The following RARB variants were observed in gnomAD, a reference collection of about 807,000 sequenced individuals.
RARB encodes retinoic acid receptor beta.
A neutral mutation model predicts 51.9 loss-of-function variants in RARB; 17 were observed. That is an observed-to-expected ratio of 0.33 (90% confidence interval 0.22 to 0.49). The LOEUF (loss-of-function observed/expected upper bound fraction) is 0.49. Among genes scored for constraint, RARB ranks in the 20% least tolerant of loss-of-function variants. The probability of loss-of-function intolerance (pLI) is 0.99; values close to 1 mark genes in which losing one functional copy is unlikely to be tolerated. For synonymous variants in RARB, 215 were observed against 195.4 expected, an observed-to-expected ratio of 1.10 and a Z score of -0.84; for missense variants, 369 against 550.8, an observed-to-expected ratio of 0.67 and a Z score of 3.30.
chr3:25,376,197 A>T (rs1706455083), intron 5 of RARB, among the ~76,000 whole-genome samples: 1 of 152,020 alleles, frequency 6.6e-6, no homozygotes, highest in South Asian at 2.1e-4. Context: ...CATTTTGCTC[A>T]CTCTACTTTG....
intron 5 of RARB, among the ~76,000 whole-genome samples, chr3:25,193,845 A>G (rs988379760): frequency 2.0e-5 from 3 of 151,988 alleles, no homozygotes; most frequent in Non-Finnish European, 1.5e-5. Flanking sequence ...TGACATATAC[A>G]CTATACTGAC....
At chr3:25,199,079 G>T (rs1701318293) in intron 5 of RARB, among the ~76,000 whole-genome samples, 1 of 152,058 alleles carries the variant, frequency 6.6e-6, no homozygotes, top group Non-Finnish European at 1.5e-5. Flanking sequence ...AAGGAAATGT[G>T]GTATGTATAC....
intron 3 of RARB, among the ~76,000 whole-genome samples, chr3:25,113,046 A>G (rs139893132): frequency 2.5e-3 from 376 of 152,108 alleles, no homozygotes; most frequent in African/African-American, 8.6e-3. Flanking sequence ...TTTTGTTCTG[A>G]CTTGCTGTTT....
intron 5 of RARB, among the ~76,000 whole-genome samples, chr3:25,326,787 T>C (rs755323522): frequency 3.9e-5 from 6 of 151,954 alleles, no homozygotes; most frequent in Non-Finnish European, 5.9e-5. Context: ...GATGACAATA[T>C]CAAGAAACAC....
intron 2 of RARB, among the ~76,000 whole-genome samples, chr3:24,867,888 A>G (rs1702880020): frequency 6.6e-6 from 1 of 152,140 alleles, no homozygotes; most frequent in Non-Finnish European, 1.5e-5. Context: ...CATTGAGTTC[A>G]AGTCAACCAT....
chr3:25,384,353 A>G (rs1365061538), intron 5 of RARB, among the ~76,000 whole-genome samples: 1 of 151,962 alleles, frequency 6.6e-6, no homozygotes, highest in African/African-American at 2.4e-5. Flanking sequence ...TATTGTTGTT[A>G]TTTCCTATTA....
intron 2 of RARB, among the ~76,000 whole-genome samples, chr3:24,954,160 A>C (rs951066756): frequency 2.0e-5 from 3 of 151,958 alleles, no homozygotes; most frequent in Non-Finnish European, 4.4e-5. Flanking sequence ...AAATTCTAAC[A>C]CTCCTGCCAG....
intron 5 of RARB, among the ~76,000 whole-genome samples, chr3:25,279,750 A>G (rs1272044457): frequency 6.6e-6 from 1 of 152,150 alleles, no homozygotes; most frequent in African/African-American, 2.4e-5. Flanking sequence ...GACTAGTGAT[A>G]TATTAGCTTT....
intron 2 of RARB, among the ~76,000 whole-genome samples, chr3:25,027,556 G>A (rs1279392551): frequency 6.6e-6 from 1 of 151,978 alleles, no homozygotes. Context: ...AGCCATAATT[G>A]AGGTGAGTAT....
chr3:25,204,718 C>T (rs903305411), intron 5 of RARB, among the ~76,000 whole-genome samples: 2 of 152,172 alleles, frequency 1.3e-5, no homozygotes, highest in Non-Finnish European at 1.5e-5. Context: ...TGGGTATCAG[C>T]AGCAGAGGCT....
At chr3:25,119,173 T>C (rs1421634383) in intron 3 of RARB, among the ~76,000 whole-genome samples, 1 of 152,194 alleles carries the variant, frequency 6.6e-6, no homozygotes, top group East Asian at 1.9e-4. Flanking sequence ...CAGTTTGATA[T>C]CTTGCTTAGT....
chr3:25,328,588 CA>C (rs1704795144), intron 5 of RARB, among the ~76,000 whole-genome samples: 1 of 152,158 alleles, frequency 6.6e-6, no homozygotes, highest in South Asian at 2.1e-4. Context: ...GGAAGAGCTC[CA>C]GTCTACAGCT....
chr3:24,971,026 T>C (rs1204782595), intron 2 of RARB, among the ~76,000 whole-genome samples: 1 of 151,982 alleles, frequency 6.6e-6, no homozygotes, highest in Non-Finnish European at 1.5e-5. Context: ...GTTCTAGTAT[T>C]CCAATGTACT....
At chr3:25,073,738 TATC>T (rs1427731561) in intron 3 of RARB, among the ~76,000 whole-genome samples, 5 of 152,032 alleles carry the variant, frequency 3.3e-5, no homozygotes, top group African/African-American at 1.2e-4. Flanking sequence ...AAGAAACAAA[TATC>T]ATGGCTACAA....
intron 2 of RARB, among the ~76,000 whole-genome samples, chr3:24,884,617 TTC>T: frequency 1.3e-5 from 2 of 152,298 alleles, no homozygotes; most frequent in South Asian, 4.1e-4. Context: ...ATTGCATTGT[TTC>T]TTACTTCATA....
At position 25,559,153 on chromosome 3, in the gene RARB, C is replaced by G. The variant is rs1362020515; in HGVS notation, c.449-10605C>G. ...ATCATGTAGCCACGTTTTTCCAACC[C>G]TCAGGCCTTTGCGCACATTGGTCCC... On this transcript the variant is annotated intron_variant, in intron 3 of 7. Coordinates refer to ENST00000330688, the MANE Select transcript of RARB (RefSeq NM_000965.5). 3.3e-5 allele frequency among the ~76,000 whole-genome samples: 5 copies of G among 152,272 alleles called. No homozygotes were observed. The South Asian group carries it at 6.2e-4, about 19-fold the overall frequency.
chr3:25,017,153 C>T (rs1404754252), intron 2 of RARB, among the ~76,000 whole-genome samples: 1 of 151,878 alleles, frequency 6.6e-6, no homozygotes, highest in African/African-American at 2.4e-5. Flanking sequence ...TGTTGGAAAA[C>T]GCAACTTTCC....
At chr3:25,266,784 C>T (rs1242200581) in intron 5 of RARB, among the ~76,000 whole-genome samples, 4 of 152,312 alleles carry the variant, frequency 2.6e-5, no homozygotes, top group Admixed American at 2.6e-4. Flanking sequence ...CTTGCTTTCT[C>T]TCCCTGCCAT....
chr3:25,379,978 T>G (rs1045717598), intron 5 of RARB, among the ~76,000 whole-genome samples: 1 of 152,182 alleles, frequency 6.6e-6, no homozygotes, highest in Admixed American at 6.5e-5. Context: ...TCTGAAAGAC[T>G]GCAGAAAGAA....
Sources: gnomAD v4.1 joint callset for allele counts (sites outside exome capture counted in the v4.1 genomes callset) on GRCh38, gnomAD v4.1.1 for gene constraint, MANE v1.5 for transcripts, NCBI Gene and HGNC (gene_info 2026-07-23, HGNC 2026-07-21) for gene names.